The following C4orf50 variants were observed in gnomAD, a reference collection of about 807,000 sequenced individuals.
The protein encoded by C4orf50 is chromosome 4 open reading frame 50, also known as uncharacterized protein C4orf50.
A neutral mutation model predicts 77.2 loss-of-function variants in C4orf50; 80 were observed. The ratio of observed to expected loss-of-function variants is 1.04; its 90% CI spans 0.87 to 1.25. The LOEUF is 1.25. Ranked by LOEUF, C4orf50 falls within the 50% of genes most tolerant of loss-of-function variation. The pLI is 0.00. For synonymous variants in C4orf50, 532 were observed against 465.3 expected (o/e 1.14, Z -1.84); for missense variants, 1,257 against 1,152.9 (o/e 1.09, Z -1.31).
At chr4:5,966,797 G>A (rs1719598041) in intron 32 of C4orf50, among the ~76,000 whole-genome samples, 1 of 151,808 alleles carries the variant, frequency 6.6e-6, no homozygotes, top group South Asian at 2.1e-4. Flanking sequence ...CTACAAGCAT[G>A]CGCCACCATA....
chr4:5,964,988 T>C (rs1302945862), intron 33 of C4orf50, 36 bp downstream of exon 11: 1 of 1,596,348 alleles, frequency 6.3e-7, no homozygotes, highest in East Asian at 2.2e-5. Context: ...AATAACAAAG[T>C]TCATTTAGGA....
In C4orf50 at chr4:5,905,748, G is replaced by A. The variant is rs1305450676; in HGVS notation, c.*2475-7560C>T. Among the ~76,000 whole-genome samples the A allele has an allele frequency of 6.6e-6, 1 of 152,216 alleles. No individual in the cohort carries two copies. The highest frequency in any genetic ancestry group is 1.5e-5 in the Non-Finnish European group (1 of 68,036). On this transcript the variant is annotated intron_variant, in intron 7 of 7. Coordinates refer to the C4orf50 transcript ENST00000324058. The surrounding 1 kb of genome is among the most constrained non-coding windows in gnomAD (Gnocchi z 5.4). ...CATTCATGCACATTCTGTAGAGAGG[G>A]TTTCTAGCTTTCAGGAGCCTCTCAA... is the stretch of plus-strand genomic sequence containing the variant.
At chr4:5,993,928 C>G (rs1721435066) in intron 26 of C4orf50, among the ~76,000 whole-genome samples, 1 of 152,066 alleles carries the variant, frequency 6.6e-6, no homozygotes, top group Non-Finnish European at 1.5e-5. Context: ...CCAGCAGCTT[C>G]CAGACCTGCC....
chr4:5,976,996 C>A (rs2108778363), intron 29 of C4orf50, among the ~76,000 whole-genome samples: 1 of 152,342 alleles, frequency 6.6e-6, no homozygotes, highest in Admixed American at 6.5e-5. Context: ...TGGGTCTCTT[C>A]TGTTTCTGAG....
At chr4:5,925,108 G>A (rs1269226946) in intron 7 of C4orf50, among the ~76,000 whole-genome samples, 1 of 152,152 alleles carries the variant, frequency 6.6e-6, no homozygotes, top group Non-Finnish European at 1.5e-5. Context: ...GTTGGTCTGG[G>A]CCACTTGGGT....
At chr4:5,948,668 A>G (rs11936076) in intron 7 of C4orf50, among the ~76,000 whole-genome samples, 54,115 of 151,890 alleles carry the variant, frequency 0.36, 10,070 homozygotes, top group African/African-American at 0.4. Context: ...GGTGCCATGC[A>G]CCTGTAGTCC....
At chr4:5,990,686 C>A (rs569891186) in exon 28 of C4orf50, 11 of 399,150 alleles carry the variant, frequency 2.8e-5, no homozygotes, top group Non-Finnish European at 4.9e-5. Flanking sequence ...AAGGCTTCTG[C>A]AGCTGGGTCA....
chr4:5,902,612 G>C (rs1353965135), intron 7 of C4orf50: 2 of 152,112 alleles, frequency 1.3e-5, no homozygotes, highest in Non-Finnish European at 2.9e-5. Context: ...GTTAATCCTT[G>C]TAATAGCCCA....
chr4:5,989,892 T>C, exon 28 of C4orf50: 2 of 1,436,356 alleles, frequency 1.4e-6, no homozygotes, highest in Non-Finnish European at 1.8e-6. Flanking sequence ...CCAGGCTTCC[T>C]CCTTGCAGAA....
At chr4:5,959,726 T>G in intron 33 of C4orf50, 100 bp from the exon 12 acceptor site, 3 of 1,424,356 alleles carry the variant, frequency 2.1e-6, no homozygotes, top group Non-Finnish European at 2.8e-6. Flanking sequence ...CAGTGATAGC[T>G]AACGGTTTCG....
chr4:5,916,363 G>A lies in C4orf50; in HGVS notation c.*2475-18175C>T, dbSNP rs28491531. ...GAGAGGGGTGGGGCTTAACCACGCC[G>A]AACAGACAGCCTTGGGTCCCTGCCC... On this transcript the variant is annotated intron_variant, in intron 7 of 7. Coordinates refer to the C4orf50 transcript ENST00000324058. The surrounding 1 kb of genome is among the most constrained non-coding windows in gnomAD (Gnocchi z 4.4). Among the ~76,000 whole-genome samples the A allele has an allele frequency of 0.063, 9,525 of 151,692 alleles. 579 individuals are homozygous for A. Among genetic ancestry groups the A allele is most frequent in the African/African-American group, 0.16 (6,358 of 41,008 alleles).
downstream of C4orf50, among the ~76,000 whole-genome samples, chr4:5,953,017 G>C (rs1279933020): frequency 6.6e-6 from 1 of 152,176 alleles, no homozygotes; most frequent in East Asian, 1.9e-4. Flanking sequence ...CTATTTTCGG[G>C]TGGCTGCTTC....
chr4:5,934,554 G>A (rs947303218), intron 7 of C4orf50, among the ~76,000 whole-genome samples: 12 of 151,972 alleles, frequency 7.9e-5, no homozygotes, highest in African/African-American at 2.4e-4. Context: ...CCTCCTCCCG[G>A]CCCCACTTAA....
intron 32 of C4orf50, among the ~76,000 whole-genome samples, chr4:5,966,436 T>C (rs1343841532): frequency 2.0e-5 from 3 of 151,312 alleles, no homozygotes; most frequent in Non-Finnish European, 2.9e-5. Context: ...GATCACACCT[T>C]TGCACTCCAG....
At position 5,915,699 on chromosome 4, in the gene C4orf50, C is replaced by T. The variant is rs574331943; in HGVS notation, c.*2475-17511G>A. 3.3e-5 allele frequency among the ~76,000 whole-genome samples: 5 copies of T among 152,310 alleles called. No homozygotes were observed. The East Asian group carries it at 9.7e-4, about 29-fold the overall frequency. ...CCAAGGTACCAAACCAGCCCTGATG[C>T]CATGCACTTCAGTCTCCCTGATGAG... On this transcript the variant is annotated intron_variant, in intron 7 of 7. Coordinates refer to the C4orf50 transcript ENST00000324058.
intron 26 of C4orf50, among the ~76,000 whole-genome samples, chr4:5,993,411 A>C (rs1432227091): frequency 6.6e-6 from 1 of 152,220 alleles, no homozygotes; most frequent in East Asian, 1.9e-4. Context: ...CATCCCTAAC[A>C]GCCCTTGAGG....
rs370035637 is a variant in C4orf50, at chr4:5,990,972, G to A, written c.1222-148C>T. 4.3e-4 allele frequency: 169 copies of A among 397,484 alleles called. No homozygotes were observed. The East Asian group carries it at 5.0e-3, about 12-fold the overall frequency. 24.6% of individuals were successfully genotyped at this position (397,484 alleles called of 1,614,324 possible). ...TCCCACACAGGACACAGCTGGTACC[G>A]CCCCAGGGCCTTTGCACGTGCTCTT... On this transcript the variant is annotated intron_variant, in intron 27 of 33. Coordinates refer to ENST00000531445, the Ensembl canonical transcript of C4orf50.
intron 32 of C4orf50, among the ~76,000 whole-genome samples, chr4:5,966,040 C>A (rs1719544295): frequency 6.6e-6 from 1 of 152,246 alleles, no homozygotes; most frequent in South Asian, 2.1e-4. Context: ...CCATCCCGCC[C>A]CCACGCTGAG....
Position 6,018,409 on chromosome 4 carries a change from C to T in C4orf50, c.23G>A (p.Arg8Gln). ...GACGTAGCTGAAACTCTCCTCAGTC[C>T]GTCCCTTGGCTGTTGGCTCCATCTC... Residue 8 changes from arginine (R) to glutamine (Q), a missense_variant, in exon 23 of 34, where the codon CGG becomes CAG. Coordinates refer to ENST00000531445, the Ensembl canonical transcript of C4orf50. This position sits in a 1 kb window ranked among gnomAD's most constrained non-coding sequence, Gnocchi z 5.1. 2 of 399,036 alleles carry T rather than the reference C, an allele frequency of 5.0e-6. No individual in the cohort carries two copies. The highest frequency in any genetic ancestry group is 3.6e-5 in the East Asian group (1 of 28,080). 24.7% of individuals were successfully genotyped at this position (399,036 alleles called of 1,614,324 possible).
Sources: gnomAD v4.1 joint callset for allele counts (sites outside exome capture counted in the v4.1 genomes callset) on GRCh38, gnomAD v4.1.1 for gene constraint, Gnocchi (gnomAD v3.1) non-coding constraint, MANE v1.5 for transcripts, NCBI Gene and HGNC (gene_info 2026-07-23, HGNC 2026-07-21) for gene names.